The following ARFGEF3 variants were observed in gnomAD, a reference collection of about 807,000 sequenced individuals.
The protein encoded by ARFGEF3 is ARFGEF family member 3.
In ARFGEF3, 96 loss-of-function variants were observed where a neutral mutation model predicts 221.7. That is an observed-to-expected ratio of 0.43 (90% CI 0.37 to 0.51). The LOEUF is 0.51. Ranked by LOEUF, ARFGEF3 falls within the 20% of genes least tolerant of loss-of-function variation. The probability of loss-of-function intolerance (pLI) is 0.00; values close to 1 mark genes in which losing one functional copy is unlikely to be tolerated. For synonymous variants in ARFGEF3, 1,145 were observed against 1,126.8 expected (o/e 1.02, Z -0.32); for missense variants, 2,410 against 2,789.9 (o/e 0.86, Z 3.07).
At chr6:138,333,939 C>T (rs1203727984) in intron 32 of ARFGEF3, 31 bp from the exon 33 acceptor site, 1 of 1,573,930 alleles carries the variant, frequency 6.4e-7, no homozygotes, top group Non-Finnish European at 8.6e-7. Context: ...GGCAGAAAAC[C>T]ATTAATCGAG....
At chr6:138,218,513 A>G (rs1777919237) in intron 4 of ARFGEF3, 7 of 1,427,742 alleles carry the variant, frequency 4.9e-6, no homozygotes, top group Non-Finnish European at 5.5e-6. Flanking sequence ...CCATGATTCC[A>G]CAATCTAAGG....
chr6:138,284,964 T>C (rs912645541), intron 14 of ARFGEF3, among the ~76,000 whole-genome samples: 1 of 152,150 alleles, frequency 6.6e-6, no homozygotes, highest in Non-Finnish European at 1.5e-5. Context: ...TATCTAAACA[T>C]AGAAAAGGTG....
At chr6:138,305,349 C>T (rs1390821947) in intron 22 of ARFGEF3, among the ~76,000 whole-genome samples, 1 of 151,452 alleles carries the variant, frequency 6.6e-6, no homozygotes, top group East Asian at 1.9e-4. Flanking sequence ...ACCTGTAATC[C>T]CAGAATTTTG....
At chr6:138,167,275 C>T (rs921888520) in intron 1 of ARFGEF3, among the ~76,000 whole-genome samples, 2 of 152,216 alleles carry the variant, frequency 1.3e-5, no homozygotes, top group Non-Finnish European at 2.9e-5. Flanking sequence ...ACTCCCAGCT[C>T]TTCTGGAGTT....
chr6:138,284,474 G>T (rs1029736953), intron 14 of ARFGEF3, among the ~76,000 whole-genome samples: 1 of 152,094 alleles, frequency 6.6e-6, no homozygotes, highest in Admixed American at 6.5e-5. Flanking sequence ...GGGCCTTGGC[G>T]AGCCTGACTC....
At chr6:138,217,267 C>G (rs987252968) in intron 4 of ARFGEF3, 3 of 152,146 alleles carry the variant, frequency 2.0e-5, no homozygotes, top group Non-Finnish European at 4.4e-5. Context: ...AATGCAGAGG[C>G]CCTCATCACT....
chr6:138,287,445 C>T lies in ARFGEF3; in HGVS notation c.2896+261C>T, dbSNP rs114953262. Among the ~76,000 whole-genome samples the T allele has an allele frequency of 1.8e-3, 268 of 152,326 alleles. 3 individuals carry two copies. Among genetic ancestry groups the T allele is most frequent in the African/African-American group, 6.3e-3 (260 of 41,564 alleles). ...AGTGCAGCAGGCCCAGGGGGACCCA[C>T]CTGGCTGAACTGTTCACACCTGTCA... is the stretch of plus-strand genomic sequence containing the variant. On this transcript the variant is annotated intron_variant, in intron 17 of 33. Coordinates refer to ENST00000251691, the MANE Select transcript of ARFGEF3 (RefSeq NM_020340.5).
At chr6:138,272,362 G>A (rs1408974001) in intron 12 of ARFGEF3, among the ~76,000 whole-genome samples, 1 of 152,090 alleles carries the variant, frequency 6.6e-6, no homozygotes, top group Non-Finnish European at 1.5e-5. Context: ...TCACCATGTT[G>A]GTCAGGCTGG....
intron 19 of ARFGEF3, 39 bp downstream of exon 19, chr6:138,292,092 T>C (rs1252233904): frequency 1.5e-6 from 2 of 1,368,782 alleles, no homozygotes; most frequent in Admixed American, 3.3e-5. Flanking sequence ...GGAGCCTGCT[T>C]ACCAGGCGAC....
chr6:138,298,370 C>T (rs1365683259), intron 21 of ARFGEF3, among the ~76,000 whole-genome samples: 2 of 152,192 alleles, frequency 1.3e-5, no homozygotes, highest in Non-Finnish European at 2.9e-5. Flanking sequence ...TTACCGGAAA[C>T]TTTCCTTTTT....
intron 4 of ARFGEF3, among the ~76,000 whole-genome samples, chr6:138,218,947 T>C (rs1777927783): frequency 7.1e-6 from 1 of 140,760 alleles, no homozygotes; most frequent in African/African-American, 3.3e-5. Context: ...TTTTTAGACC[T>C]TTTTTTATTG....
intron 5 of ARFGEF3, among the ~76,000 whole-genome samples, chr6:138,234,247 G>A (rs377305844): frequency 3.3e-5 from 5 of 152,186 alleles, no homozygotes; most frequent in Non-Finnish European, 5.9e-5. Flanking sequence ...TGCACGAATC[G>A]ATGGGTTAAG....
chr6:138,170,494 A>G (rs1381713084), intron 1 of ARFGEF3, among the ~76,000 whole-genome samples, 168 bp from the exon 2 acceptor site: 1 of 152,176 alleles, frequency 6.6e-6, no homozygotes, highest in Non-Finnish European at 1.5e-5. Flanking sequence ...GGGGCTCTCA[A>G]GGGAAAAGGA....
chr6:138,336,038 ATAAG>A (rs1466608012), intron 33 of ARFGEF3, among the ~76,000 whole-genome samples: 1 of 152,150 alleles, frequency 6.6e-6, no homozygotes, highest in Non-Finnish European at 1.5e-5. Context: ...AATCTAAGGA[ATAAG>A]TAAGAGTTTA....
At chr6:138,323,353 TATA>T (rs1416681989) in intron 29 of ARFGEF3, among the ~76,000 whole-genome samples, 3 of 152,110 alleles carry the variant, frequency 2.0e-5, no homozygotes, top group Non-Finnish European at 4.4e-5. Flanking sequence ...GTCCCACACC[TATA>T]ATATCAGCAC....
At chr6:138,223,962 A>G (rs747102388) in intron 4 of ARFGEF3, among the ~76,000 whole-genome samples, 4 of 152,346 alleles carry the variant, frequency 2.6e-5, no homozygotes, top group Admixed American at 2.6e-4. Context: ...TGTGTGTCCA[A>G]CAACTACGCT....
At chr6:138,333,886 T>C in intron 32 of ARFGEF3, 84 bp from the exon 33 acceptor site, 1 of 1,446,896 alleles carries the variant, frequency 6.9e-7, no homozygotes, top group East Asian at 2.3e-5. Flanking sequence ...TAGATCGTTC[T>C]GAAACGGGTA....
In ARFGEF3 at chr6:138,291,909, C is replaced by G. The variant is rs753805774; in HGVS notation, c.3224C>G (p.Thr1075Arg). The part of the protein sequence containing the change: ...HSPEQGRSLS[T>R]APVVQPLSIQ... ...CCGGAGCAGGGGCGCTCCCTGAGCA[C>G]GGCCCCTGTCGTCCAGCCCCTGTCC... Residue 1075 changes from threonine to arginine, a missense_variant, in exon 19 of 34, where the codon ACG (threonine) becomes AGG (arginine). Around this residue, in one of 5 missense-constraint regions of ARFGEF3, gnomAD observed 184 missense variants for 141.8 expected, o/e 1.30. Transcript: ENST00000251691. This position sits in a 1 kb window ranked among gnomAD's most constrained non-coding sequence, Gnocchi z 4.5. 2.0e-6 allele frequency: 3 copies of G among 1,485,624 alleles called. No individual in the cohort carries two copies. Among genetic ancestry groups the G allele is most frequent in the Non-Finnish European group, 2.7e-6 (3 of 1,113,492 alleles). 92.0% of individuals were successfully genotyped at this position (1,485,624 alleles called of 1,614,324 possible).
At chr6:138,191,248 A>T (rs1777299120) in intron 2 of ARFGEF3, among the ~76,000 whole-genome samples, 1 of 152,160 alleles carries the variant, frequency 6.6e-6, no homozygotes, top group East Asian at 1.9e-4. Flanking sequence ...ACGTGGGACA[A>T]GTTACTTACC....
Sources: allele counts gnomAD v4.1 joint callset (sites outside exome capture counted in the v4.1 genomes callset), GRCh38; gene constraint gnomAD v4.1.1; regional missense constraint gnomAD v4.1.1; non-coding constraint Gnocchi (gnomAD v3.1); transcripts MANE v1.5; gene names NCBI Gene and HGNC (gene_info 2026-07-23, HGNC 2026-07-21).